The following ZFHX3 variants were observed in gnomAD, a reference collection of about 807,000 sequenced individuals.
The protein encoded by ZFHX3 is zinc finger homeobox protein 3.
Under a neutral mutation model 279.1 loss-of-function variants are expected in ZFHX3, and 42 were observed. The observed-to-expected ratio is 0.15, with a 90% CI of 0.12 to 0.19. The LOEUF (loss-of-function observed/expected upper bound fraction) is 0.19, where lower values mean the gene tolerates loss of function less well. Ranked by LOEUF, ZFHX3 falls within the 10% of genes least tolerant of loss-of-function variation. The pLI is 1.00. For synonymous variants in ZFHX3, 2,293 were observed against 1,957.8 expected, an observed-to-expected ratio of 1.17 and a Z score of -4.52; for missense variants, 4,981 against 4,754.0, an observed-to-expected ratio of 1.05 and a Z score of -1.40.
chr16:73,455,418 T>C (rs1597342070), intron 3 of ZFHX3, among the ~76,000 whole-genome samples: 1 of 152,132 alleles, frequency 6.6e-6, no homozygotes, highest in Admixed American at 6.5e-5. Context: ...GGAACATACA[T>C]GATGGTTCTA....
chr16:73,017,333 A>AG (rs1964138552), intron 1 of ZFHX3, among the ~76,000 whole-genome samples: 1 of 151,848 alleles, frequency 6.6e-6, no homozygotes, highest in African/African-American at 2.4e-5. Context: ...GATTCAGGGG[A>AG]GTGGGGTCTT....
chr16:72,828,860 G>A (rs1300789507), intron 5 of ZFHX3, among the ~76,000 whole-genome samples: 1 of 151,614 alleles, frequency 6.6e-6, no homozygotes, highest in Non-Finnish European at 1.5e-5. Flanking sequence ...GCACCACAAT[G>A]CCTAATTTTT....
chr16:72,812,158 T>G, intron 5 of ZFHX3, 120 bp from the exon 6 acceptor site: 1 of 1,364,478 alleles, frequency 7.3e-7, no homozygotes, highest in East Asian at 2.5e-5. Context: ...ACACCAAAAT[T>G]CAAGAAGGAT....
intron 2 of ZFHX3, among the ~76,000 whole-genome samples, chr16:73,666,943 C>T (rs1213570710): frequency 2.0e-5 from 3 of 151,958 alleles, no homozygotes; most frequent in Non-Finnish European, 4.4e-5. Context: ...ATCAGTAGTT[C>T]ATTCTTGTTA....
chr16:73,253,872 T>A (rs576628157), intron 5 of ZFHX3, among the ~76,000 whole-genome samples: 1 of 151,580 alleles, frequency 6.6e-6, no homozygotes, highest in South Asian at 2.1e-4. Context: ...GGAGAAGGAG[T>A]TAAGGTCCTT....
chr16:73,567,452 C>T (rs2020467491), intron 2 of ZFHX3, among the ~76,000 whole-genome samples: 1 of 152,204 alleles, frequency 6.6e-6, no homozygotes. Context: ...AGCTCCTCAT[C>T]TCCCTTAGTT....
At chr16:73,190,706 T>TG (rs890960794) in intron 5 of ZFHX3, among the ~76,000 whole-genome samples, 1 of 152,176 alleles carries the variant, frequency 6.6e-6, no homozygotes, top group African/African-American at 2.4e-5. Flanking sequence ...GCTGATGAAA[T>TG]GCCAGCACTG....
At chr16:73,110,465 T>C (rs1458503650) in intron 7 of ZFHX3, among the ~76,000 whole-genome samples, 2 of 152,238 alleles carry the variant, frequency 1.3e-5, no homozygotes, top group African/African-American at 4.8e-5. Flanking sequence ...GTATTTATTA[T>C]GTAATTTTAA....
intron 1 of ZFHX3, among the ~76,000 whole-genome samples, chr16:73,817,441 G>A (rs1208860255): frequency 6.6e-6 from 1 of 152,176 alleles, no homozygotes. Flanking sequence ...CAAGTACATA[G>A]TTGGCTATTA....
At chr16:73,090,446 T>C (rs889902333) in intron 8 of ZFHX3, among the ~76,000 whole-genome samples, 1 of 152,206 alleles carries the variant, frequency 6.6e-6, no homozygotes, top group African/African-American at 2.4e-5. Flanking sequence ...GTTATCTTTT[T>C]CATAAGGCAA....
At chr16:72,863,185 A>C (rs2037926141) in intron 4 of ZFHX3, among the ~76,000 whole-genome samples, 1 of 151,822 alleles carries the variant, frequency 6.6e-6, no homozygotes, top group African/African-American at 2.4e-5. Context: ...TAGGGGTCTG[A>C]TATTGCAGTC....
At chr16:73,699,877 T>A (rs1033957297) in intron 1 of ZFHX3, among the ~76,000 whole-genome samples, 7 of 151,966 alleles carry the variant, frequency 4.6e-5, no homozygotes, top group Non-Finnish European at 8.8e-5. Context: ...AAATTTGGGG[T>A]TCATATTAAA....
intron 5 of ZFHX3, among the ~76,000 whole-genome samples, chr16:73,217,078 T>A (rs1205998388): frequency 1.3e-5 from 2 of 152,218 alleles, no homozygotes; most frequent in African/African-American, 2.4e-5. Flanking sequence ...ATTTTCCCAG[T>A]TGATTTGGTC....
Position 72,812,025 on chromosome 16 carries a change from T to C in ZFHX3, c.3543A>G (p.Gln1181=), listed in dbSNP as rs1457514132. 8.1e-6 allele frequency: 13 copies of C among 1,614,124 alleles called. No individual in the cohort carries two copies. The highest frequency in any genetic ancestry group is 1.1e-5 in the Non-Finnish European group (13 of 1,180,020). Residue 1181 remains glutamine (Q), a synonymous_variant, in exon 6 of 10, where the codon CAA becomes CAG. Coordinates refer to ENST00000268489, the MANE Select transcript of ZFHX3 (RefSeq NM_006885.4). ...GAGAATCTGTCAGCTCCTTCTCTGC[T>C]TGGCTGGACGATGCTAAAAGAGAAA... The part of the protein sequence containing the change: ...KDQEGGASSS[Q]AEKELTDSPA...
intron 3 of ZFHX3, among the ~76,000 whole-genome samples, chr16:72,927,760 C>A (rs1299561726): frequency 2.0e-5 from 3 of 152,036 alleles, no homozygotes; most frequent in Non-Finnish European, 4.4e-5. Flanking sequence ...CGCTCTCCCC[C>A]ACCAAAAACC....
At chr16:73,772,654 G>A (rs1227044084) in intron 1 of ZFHX3, among the ~76,000 whole-genome samples, 1 of 152,160 alleles carries the variant, frequency 6.6e-6, no homozygotes, top group Admixed American at 6.5e-5. Context: ...ATCCCTGCCT[G>A]AGTAAGGAAC....
intron 2 of ZFHX3, among the ~76,000 whole-genome samples, chr16:73,660,053 T>A (rs1315536837): frequency 1.3e-5 from 2 of 152,208 alleles, no homozygotes; most frequent in African/African-American, 2.4e-5. Flanking sequence ...TCTTTCCTTG[T>A]AATAAAAGCC....
intron 5 of ZFHX3, among the ~76,000 whole-genome samples, chr16:73,199,501 G>A (rs1445171019): frequency 2.0e-5 from 3 of 152,196 alleles, no homozygotes; most frequent in East Asian, 1.9e-4. Context: ...ATGAAACTGC[G>A]TCCTTGGGAG....
Position 72,794,017 on chromosome 16 carries a change from G to T in ZFHX3, c.8665C>A (p.Arg2889=). 2 of 1,614,184 alleles carry T rather than the reference G, an allele frequency of 1.2e-6. No individual in the cohort carries two copies. Among genetic ancestry groups the T allele is most frequent in the Non-Finnish European group, 1.7e-6 (2 of 1,180,036 alleles). The part of the protein sequence containing the change: ...AMMAMSEYED[R]LSSGLVSPAP... ...GGGCTGACCAGACCAGATGACAACC[G>T]ATCTTCATACTCAGACATTGCCATC... The change falls in exon 9 of 10, where the codon CGG becomes AGG. Residue 2889 remains arginine, a synonymous_variant. Transcript: ENST00000268489. The surrounding 1 kb of genome is among the most constrained non-coding windows in gnomAD (Gnocchi z 4.2).
Sources: gnomAD v4.1 joint callset for allele counts (sites outside exome capture counted in the v4.1 genomes callset) on GRCh38, gnomAD v4.1.1 for gene constraint, Gnocchi (gnomAD v3.1) non-coding constraint, MANE v1.5 for transcripts, NCBI Gene and HGNC (gene_info 2026-07-23, HGNC 2026-07-21) for gene names.